RAP1A: variants seen among roughly 807,000 people sequenced by gnomAD.
RAP1A encodes the protein RAP1A, member of RAS oncogene family, also known as ras-related protein Rap-1A.
Under a neutral mutation model 26.4 loss-of-function variants are expected in RAP1A, and 6 were observed. The ratio of observed to expected loss-of-function variants is 0.23; its 90% CI spans 0.12 to 0.45. RAP1A has a LOEUF of 0.45. Among genes scored for constraint, RAP1A ranks in the 20% least tolerant of loss-of-function variants. The pLI, the probability that RAP1A is intolerant of heterozygous loss-of-function variation, is 0.99. For synonymous variants in RAP1A, 73 were observed against 79.4 expected, an observed-to-expected ratio of 0.92 and a Z score of 0.43; for missense variants, 121 against 217.2, an observed-to-expected ratio of 0.56 and a Z score of 2.78.
intron 1 of RAP1A, among the ~76,000 whole-genome samples, chr1:111,577,083 G>A (rs1571479733): frequency 6.6e-6 from 1 of 152,196 alleles, no homozygotes. Context: ...GGTTTTTCTA[G>A]AGTTGGAGGA....
chr1:111,636,344 A>G (rs1332512307), intron 1 of RAP1A, among the ~76,000 whole-genome samples: 2 of 152,136 alleles, frequency 1.3e-5, no homozygotes, highest in Admixed American at 6.5e-5. Context: ...AACAAACACT[A>G]TGGCAATAAA....
At chr1:111,708,188 A>G (rs1451023397) in intron 6 of RAP1A, among the ~76,000 whole-genome samples, 2 of 152,218 alleles carry the variant, frequency 1.3e-5, no homozygotes, top group East Asian at 3.8e-4. Flanking sequence ...CAAAACAAAC[A>G]AACTAAAAAC....
At chr1:111,648,174 AGTGTGTGTGTGTGTGT>A (rs143658994) in intron 1 of RAP1A, 3 of 230,950 alleles carry the variant, frequency 1.3e-5, no homozygotes, top group African/African-American at 2.5e-5. Flanking sequence ...AGGTTCAAAC[AGTGTGTGTGTGTGTGT>A]GTGTGTGTGT....
chr1:111,696,863 C>A (rs1030741156), intron 3 of RAP1A, among the ~76,000 whole-genome samples: 1 of 152,056 alleles, frequency 6.6e-6, no homozygotes, highest in South Asian at 2.1e-4. Flanking sequence ...TAGAAAAGTG[C>A]CTTTTTCTTG....
intron 1 of RAP1A, among the ~76,000 whole-genome samples, chr1:111,607,614 C>A (rs1225099333): frequency 6.7e-6 from 1 of 149,626 alleles, no homozygotes; most frequent in African/African-American, 2.4e-5. Flanking sequence ...CCTCACCTCC[C>A]GGACAGGGTG....
intron 1 of RAP1A, among the ~76,000 whole-genome samples, chr1:111,647,776 C>G (rs185615309): frequency 1.1e-4 from 16 of 151,958 alleles, no homozygotes. Context: ...CTCCTAACCC[C>G]TTCCCACCTT....
At chr1:111,585,209 C>T (rs1197725042) in intron 1 of RAP1A, among the ~76,000 whole-genome samples, 1 of 152,166 alleles carries the variant, frequency 6.6e-6, no homozygotes, top group Non-Finnish European at 1.5e-5. Flanking sequence ...GGAGGACTAA[C>T]AGGGAGGGAA....
intron 2 of RAP1A, among the ~76,000 whole-genome samples, chr1:111,693,613 C>T (rs945384187): frequency 6.6e-6 from 1 of 152,054 alleles, no homozygotes; most frequent in Non-Finnish European, 1.5e-5. Context: ...AAATGAGAAA[C>T]GTTGGATTGT....
chr1:111,544,515 G>A (rs1477266739), intron 1 of RAP1A, among the ~76,000 whole-genome samples: 2 of 152,060 alleles, frequency 1.3e-5, no homozygotes, highest in Non-Finnish European at 2.9e-5. Context: ...GTTCATCCAT[G>A]TTGTAACATG....
chr1:111,654,924 C>G (rs1195462538), intron 1 of RAP1A, among the ~76,000 whole-genome samples: 1 of 151,588 alleles, frequency 6.6e-6, no homozygotes, highest in East Asian at 1.9e-4. Flanking sequence ...AATCTCAGGA[C>G]TTTGGAGGTT....
At chr1:111,556,886 A>G (rs1657511207) in intron 1 of RAP1A, among the ~76,000 whole-genome samples, 1 of 146,586 alleles carries the variant, frequency 6.8e-6, no homozygotes, top group Non-Finnish European at 1.5e-5. Context: ...AATAGTTAAA[A>G]TGGTACATTT....
intron 1 of RAP1A, among the ~76,000 whole-genome samples, chr1:111,689,412 T>C (rs1349855547): frequency 6.6e-6 from 1 of 152,176 alleles, no homozygotes; most frequent in Non-Finnish European, 1.5e-5. Context: ...TTTCTGTTGC[T>C]GTGTCTTCAG....
At chr1:111,556,838 T>C (rs1657509389) in intron 1 of RAP1A, among the ~76,000 whole-genome samples, 2 of 152,120 alleles carry the variant, frequency 1.3e-5, no homozygotes, top group South Asian at 4.1e-4. Context: ...TGCACAACAA[T>C]GTGAATGTCC....
intron 1 of RAP1A, among the ~76,000 whole-genome samples, chr1:111,629,073 G>A (rs1309734609): frequency 6.6e-6 from 1 of 152,026 alleles, no homozygotes; most frequent in South Asian, 2.1e-4. Context: ...TCTTCTGCAT[G>A]TGGTTTTTGT....
At chr1:111,593,264 G>A (rs1658502249) in intron 1 of RAP1A, among the ~76,000 whole-genome samples, 1 of 152,188 alleles carries the variant, frequency 6.6e-6, no homozygotes, top group Non-Finnish European at 1.5e-5. Flanking sequence ...CAAGTTCTGA[G>A]TTGTAGGGCT....
chr1:111,620,644 T>G (rs1659170775), intron 1 of RAP1A, among the ~76,000 whole-genome samples: 1 of 152,242 alleles, frequency 6.6e-6, no homozygotes, highest in Non-Finnish European at 1.5e-5. Context: ...CTTTCCCGCC[T>G]TCTTTACCCT....
intron 1 of RAP1A, among the ~76,000 whole-genome samples, chr1:111,661,181 G>C (rs1292358969): frequency 6.6e-6 from 1 of 152,216 alleles, no homozygotes; most frequent in African/African-American, 2.4e-5. Flanking sequence ...TGTAAGCCAT[G>C]TTAACATCTT....
At chr1:111,666,787 A>T (rs1660808514) in intron 1 of RAP1A, among the ~76,000 whole-genome samples, 1 of 152,228 alleles carries the variant, frequency 6.6e-6, no homozygotes, top group Non-Finnish European at 1.5e-5. Context: ...GATCCAAGGA[A>T]AAGAGCAGGC....
chr1:111,664,836 A>G (rs1431727232), intron 1 of RAP1A, among the ~76,000 whole-genome samples: 2 of 152,224 alleles, frequency 1.3e-5, no homozygotes, highest in Non-Finnish European at 1.5e-5. Context: ...TTGTAAGCTT[A>G]TTGTGAGGAT....
Sources: allele counts gnomAD v4.1 joint callset (sites outside exome capture counted in the v4.1 genomes callset), GRCh38; gene constraint gnomAD v4.1.1; transcripts MANE v1.5; gene names NCBI Gene and HGNC (gene_info 2026-07-23, HGNC 2026-07-21).